Variants in HIVEP3 observed in about 807,000 individuals in gnomAD.
The protein encoded by HIVEP3 is HIVEP zinc finger 3.
In HIVEP3, 49 loss-of-function variants were observed where a neutral mutation model predicts 152.8. The ratio of observed to expected loss-of-function variants is 0.32; its 90% CI spans 0.26 to 0.41. The LOEUF (loss-of-function observed/expected upper bound fraction) is 0.41, where lower values mean the gene tolerates loss of function less well. HIVEP3 is among the 10% of genes least tolerant of loss of function. The pLI, the probability that HIVEP3 is intolerant of heterozygous loss-of-function variation, is 1.00. For synonymous variants in HIVEP3, 1,269 were observed against 1,289.0 expected, an observed-to-expected ratio of 0.98 and a Z score of 0.33; for missense variants, 2,790 against 3,103.3, an observed-to-expected ratio of 0.90 and a Z score of 2.40.
chr1:41,884,047 C>A (rs1259728538), intron 1 of HIVEP3, among the ~76,000 whole-genome samples: 2 of 152,198 alleles, frequency 1.3e-5, no homozygotes, highest in Non-Finnish European at 2.9e-5. Context: ...CTCACTGCAA[C>A]CTCTGTCTCC....
At chr1:41,514,880 G>A (rs2149047923) in intron 7 of HIVEP3, among the ~76,000 whole-genome samples, 1 of 152,234 alleles carries the variant, frequency 6.6e-6, no homozygotes, top group East Asian at 1.9e-4. Flanking sequence ...CTAAAAGTGG[G>A]GGTTAGGGCT....
chr1:41,834,740 GACAA>G (rs1643072509), intron 1 of HIVEP3, among the ~76,000 whole-genome samples: 1 of 152,088 alleles, frequency 6.6e-6, no homozygotes, highest in South Asian at 2.1e-4. Flanking sequence ...GGAAGAGACA[GACAA>G]ACAAAGACAC....
At chr1:41,772,106 G>A (rs1189220638) in intron 1 of HIVEP3, among the ~76,000 whole-genome samples, 2 of 152,144 alleles carry the variant, frequency 1.3e-5, no homozygotes, top group African/African-American at 2.4e-5. Flanking sequence ...TGACCTCCTG[G>A]TTCTAGTGGT....
chr1:41,966,266 TA>T (rs200574665), intron 1 of HIVEP3, among the ~76,000 whole-genome samples: 3,139 of 152,060 alleles, frequency 0.021, 67 homozygotes, highest in Non-Finnish European at 0.025. Context: ...TACCAGCCAC[TA>T]AAAAAACACA....
chr1:41,545,167 T>C (rs1235154254), intron 5 of HIVEP3, among the ~76,000 whole-genome samples: 12 of 57,238 alleles, frequency 2.1e-4, no homozygotes, highest in East Asian at 5.0e-4. Flanking sequence ...TCTACCACCA[T>C]CGCTACCATT....
intron 5 of HIVEP3, among the ~76,000 whole-genome samples, chr1:41,548,618 C>T (rs1301586897): frequency 6.6e-6 from 1 of 152,046 alleles, no homozygotes; most frequent in Non-Finnish European, 1.5e-5. Context: ...TCATTGCAAC[C>T]TCCACCTCCC....
chr1:41,605,109 A>T (rs796841706), intron 3 of HIVEP3, among the ~76,000 whole-genome samples: 2 of 37,406 alleles, frequency 5.3e-5, no homozygotes, highest in Non-Finnish European at 1.9e-4. Flanking sequence ...TGTCTCCAAT[A>T]AAAAAAAAAA....
intron 1 of HIVEP3, among the ~76,000 whole-genome samples, chr1:41,707,777 C>CATATA (rs1325926177): frequency 2.0e-5 from 3 of 152,146 alleles, no homozygotes; most frequent in African/African-American, 7.2e-5. Context: ...AAATGAAAGC[C>CATATA]ATATATGATA....
intron 1 of HIVEP3, among the ~76,000 whole-genome samples, chr1:41,778,036 T>A (rs1156632472): frequency 1.3e-5 from 2 of 152,144 alleles, no homozygotes; most frequent in African/African-American, 2.4e-5. Flanking sequence ...ACCAACCAAA[T>A]CCCTGTCCTC....
intron 1 of HIVEP3, among the ~76,000 whole-genome samples, chr1:41,740,454 A>G (rs1646980700): frequency 6.6e-6 from 1 of 152,226 alleles, no homozygotes; most frequent in Non-Finnish European, 1.5e-5. Flanking sequence ...GGGAAGCCCA[A>G]AGGTTCTGGA....
At chr1:42,020,029 A>G (rs1178450084) in intron 1 of HIVEP3, among the ~76,000 whole-genome samples, 1 of 151,960 alleles carries the variant, frequency 6.6e-6, no homozygotes, top group East Asian at 1.9e-4. Context: ...ATGTTAAACT[A>G]CTCTTGAATT....
intron 5 of HIVEP3, among the ~76,000 whole-genome samples, chr1:41,564,862 G>T (rs1040785510): frequency 2.6e-5 from 4 of 152,176 alleles, no homozygotes; most frequent in African/African-American, 9.6e-5. Flanking sequence ...CCCAACACAG[G>T]AGGCAGAGAG....
At chr1:41,853,616 C>A (rs539902485) in intron 1 of HIVEP3, among the ~76,000 whole-genome samples, 7 of 152,174 alleles carry the variant, frequency 4.6e-5, no homozygotes, top group African/African-American at 1.7e-4. Context: ...GGGACACAGG[C>A]AAACCATATC....
intron 1 of HIVEP3, among the ~76,000 whole-genome samples, chr1:41,823,988 G>A (rs1476373014): frequency 6.6e-6 from 1 of 152,216 alleles, no homozygotes; most frequent in Non-Finnish European, 1.5e-5. Flanking sequence ...AGGCAAATAA[G>A]CTGGCTTGTG....
chr1:41,890,734 G>A (rs1251669946), intron 1 of HIVEP3, among the ~76,000 whole-genome samples: 1 of 152,204 alleles, frequency 6.6e-6, no homozygotes, highest in Non-Finnish European at 1.5e-5. Context: ...TGGGCAAGGC[G>A]TGGGCTGGCC....
chr1:41,686,447 A>G (rs768215159), intron 2 of HIVEP3, among the ~76,000 whole-genome samples: 11 of 152,212 alleles, frequency 7.2e-5, no homozygotes, highest in Admixed American at 3.3e-4. Flanking sequence ...TTCAAGATAC[A>G]CAATGGGGAG....
chr1:41,760,491 CT>C (rs1194214830), intron 1 of HIVEP3, among the ~76,000 whole-genome samples: 1 of 152,214 alleles, frequency 6.6e-6, no homozygotes, highest in African/African-American at 2.4e-5. Flanking sequence ...GCTCCATGCC[CT>C]GCAGAGCTTA....
At chr1:41,874,970 C>T (rs937240886) in intron 1 of HIVEP3, among the ~76,000 whole-genome samples, 7 of 152,326 alleles carry the variant, frequency 4.6e-5, no homozygotes, top group Admixed American at 3.3e-4. Flanking sequence ...CTTCCGCCCT[C>T]GCCACTTGTC....
chr1:41,794,300 A>G (rs1170799894), intron 1 of HIVEP3, among the ~76,000 whole-genome samples: 1 of 152,216 alleles, frequency 6.6e-6, no homozygotes, highest in African/African-American at 2.4e-5. Flanking sequence ...GTAGGGGGGA[A>G]AATGCCCCCA....
Sources: gnomAD v4.1 joint callset for allele counts (sites outside exome capture counted in the v4.1 genomes callset) on GRCh38, gnomAD v4.1.1 for gene constraint, MANE v1.5 for transcripts, NCBI Gene and HGNC (gene_info 2026-07-23, HGNC 2026-07-21) for gene names.